Variants in GIPR observed in about 807,000 individuals in gnomAD.
GIPR encodes the protein gastric inhibitory polypeptide receptor.
A neutral mutation model predicts 62.2 loss-of-function variants in GIPR; 74 were observed. The ratio of observed to expected loss-of-function variants is 1.19; its 90% CI spans 0.99 to 1.44. The LOEUF is 1.44. GIPR is among the 40% of genes most tolerant of loss of function. GIPR has a pLI of 0.00. For synonymous variants in GIPR, 256 were observed against 262.2 expected (o/e 0.98, Z 0.23); for missense variants, 664 against 611.8 (o/e 1.09, Z -0.90).
chr19:45,676,208 A>T (rs1975848573), intron 7 of GIPR, among the ~76,000 whole-genome samples: 1 of 151,306 alleles, frequency 6.6e-6, no homozygotes, highest in Admixed American at 6.6e-5. Context: ...GTCTAAAAAA[A>T]AAAAAAAAAA....
chr19:45,677,007 A>G lies in GIPR; in HGVS notation c.692A>G (p.Tyr231Cys), dbSNP rs199584358. The G allele has an allele frequency of 1.9e-6, 3 of 1,613,972 alleles. No individual in the cohort carries two copies. The highest frequency in any genetic ancestry group is 2.7e-5 in the African/African-American group (2 of 75,020). ...IVTQYCVGAN[Y>C]TWLLVEGVYL... ...ACCCAGTACTGCGTGGGTGCCAACT[A>G]CACGTGGCTGCTGGTGGAGGGCGTC... Residue 231 changes from tyrosine to cysteine, a missense_variant, in exon 8 of 14, where the codon TAC becomes TGC. Tyr to Cys is a radical substitution (Grantham distance 194, BLOSUM62 -2). Transcript: ENST00000590918.
In GIPR at chr19:45,677,340, G is replaced by T. The variant is rs766298263; in HGVS notation, c.811G>T (p.Val271Phe). The change falls in exon 9 of 14, where the codon GTC becomes TTC. Residue 271 changes from valine to phenylalanine, a missense_variant. Physicochemically the swap from Val to Phe is conservative, Grantham distance 50. Coordinates refer to ENST00000590918, the MANE Select transcript of GIPR (RefSeq NM_000164.4). ...LLGWGAPALF[V>F]IPWVIVRYLY... ...CTGCACAGGGGCCCCCGCGCTTTTC[G>T]TCATTCCCTGGGTGATCGTCAGGTA... The T allele has an allele frequency of 1.9e-6, 3 of 1,599,574 alleles. No homozygotes were observed. Among genetic ancestry groups the T allele is most frequent in the Non-Finnish European group, 8.5e-7 (1 of 1,171,850 alleles).
chr19:45,682,145 C>T lies in GIPR; in HGVS notation c.*210C>T, dbSNP rs1967280359. ...GCTATGGAATGGTTATGAAGGGAAG[C>T]GAGAAGGGGGCCTAGGGTGGTCTGG... On this transcript the variant is annotated 3_prime_UTR_variant, in exon 14 of 14. Coordinates refer to ENST00000590918, the MANE Select transcript of GIPR (RefSeq NM_000164.4). 2 of 590,934 alleles carry T rather than the reference C, an allele frequency of 3.4e-6. No individual in the cohort carries two copies. Among genetic ancestry groups the T allele is most frequent in the South Asian group, 2.1e-5 (1 of 48,300 alleles). 36.6% of individuals were successfully genotyped at this position (590,934 alleles called of 1,614,324 possible).
chr19:45,676,892 A>G (rs4803846), intron 7 of GIPR, 57 bp from the exon 8 acceptor site: 1,142,653 of 1,529,764 alleles, frequency 0.75, 428,167 homozygotes, highest in Admixed American at 0.86. Flanking sequence ...GCTGGGGGAG[A>G]CTGGGAGACA....
intron 2 of GIPR, 121 bp downstream of exon 2, chr19:45,669,713 A>C: frequency 3.7e-6 from 5 of 1,337,456 alleles, no homozygotes; most frequent in Non-Finnish European, 5.0e-6. Flanking sequence ...TGGGAGGCCG[A>C]AGCGGGTGGA....
intron 12 of GIPR, among the ~76,000 whole-genome samples, chr19:45,679,577 A>C (rs1486891894): frequency 6.6e-6 from 1 of 151,436 alleles, no homozygotes; most frequent in African/African-American, 2.4e-5. Context: ...AGGAGTGTCC[A>C]CTGAGGGATG....
chr19:45,677,422 C>A, intron 9 of GIPR, 39 bp downstream of exon 9: 3 of 679,238 alleles, frequency 4.4e-6, no homozygotes, highest in Non-Finnish European at 7.9e-6. Context: ...GGGAGGTGGG[C>A]GGGGCTTTGA....
chr19:45,677,610 T>C, intron 9 of GIPR, 100 bp from the exon 10 acceptor site: 1 of 957,166 alleles, frequency 1.0e-6, no homozygotes, highest in South Asian at 1.3e-5. Flanking sequence ...AGAATGTGTG[T>C]GGTCTCAAGT....
At chr19:45,678,414 A>G (rs984272244) in intron 12 of GIPR, 188 bp downstream of exon 12, 3 of 718,446 alleles carry the variant, frequency 4.2e-6, no homozygotes, top group African/African-American at 1.8e-5. Context: ...CCCAGGCTGG[A>G]GTACAGTGGC....
chr19:45,677,838 G>T, intron 10 of GIPR, 59 bp downstream of exon 10: 1 of 1,597,844 alleles, frequency 6.3e-7, no homozygotes, highest in East Asian at 2.2e-5. Context: ...CTGGGAAGTG[G>T]GCTGCCACCT....
At position 45,676,848 on chromosome 19, in the gene GIPR, T is replaced by C; in HGVS notation, c.634-101T>C. On this transcript the variant is annotated intron_variant, in intron 7 of 13. Transcript: ENST00000590918. Reference sequence around the variant, plus strand: ...TGGGGACACAGAGTGGAAGAACCTTTGATGGCAAGAGACGGGGTGGAAGGG... The same window carrying C: ...TGGGGACACAGAGTGGAAGAACCTTCGATGGCAAGAGACGGGGTGGAAGGG... The C allele has an allele frequency of 2.8e-6, 3 of 1,056,192 alleles. No individual in the cohort carries two copies. The East Asian group carries it at 7.1e-5, about 25-fold the overall frequency. 65.4% of individuals were successfully genotyped at this position (1,056,192 alleles called of 1,614,324 possible). A position where few individuals can be genotyped will look rare whatever the true frequency, so the allele number is the denominator to read the frequency against.
chr19:45,671,864 C>T (rs956983656), intron 4 of GIPR, among the ~76,000 whole-genome samples: 1 of 151,820 alleles, frequency 6.6e-6, no homozygotes, highest in East Asian at 2.0e-4. Flanking sequence ...TCAAGTGATC[C>T]GCCGGCCTTG....
chr19:45,681,665 C>T lies in GIPR; in HGVS notation c.1194+20C>T, dbSNP rs778769772. On this transcript the variant is annotated intron_variant, in intron 13 of 13. Transcript: ENST00000590918. ...AAGGAGGTAGGCAGAGACCCGGCCG[C>T]CGCCCCCGCCCTCTGGCGGCAGCGC... 1.4e-5 allele frequency: 22 copies of T among 1,613,020 alleles called. No homozygotes were observed. Among genetic ancestry groups the T allele is most frequent in the Admixed American group, 1.2e-4 (7 of 60,002 alleles).
At chr19:45,681,561 C>T (rs1967224372) in intron 12 of GIPR, 43 bp from the exon 13 acceptor site, 1 of 1,584,472 alleles carries the variant, frequency 6.3e-7, no homozygotes, top group African/African-American at 1.3e-5. Flanking sequence ...GGTTACAGTC[C>T]TGCCCCCACC....
intron 4 of GIPR, among the ~76,000 whole-genome samples, chr19:45,672,415 T>C (rs1178877689): frequency 6.6e-6 from 1 of 151,888 alleles, no homozygotes; most frequent in Non-Finnish European, 1.5e-5. Context: ...CAAGCGATTC[T>C]CCTGCCTCAG....
At chr19:45,675,113 G>A (rs1399189512) in intron 7 of GIPR, 1 of 407,050 alleles carries the variant, frequency 2.5e-6, no homozygotes, top group Non-Finnish European at 4.8e-6. Flanking sequence ...TCACCAATGA[G>A]AGAATCCACC....
At position 45,677,360 on chromosome 19, in the gene GIPR, C is replaced by T. The variant is rs1342334509; in HGVS notation, c.831C>T (p.Val277=). ...TTTTCGTCATTCCCTGGGTGATCGTCAGGTACCTGTACGAGAACACGCAGT... is the reference window on the plus strand; with the variant it reads ...TTTTCGTCATTCCCTGGGTGATCGTTAGGTACCTGTACGAGAACACGCAGT... ...PALFVIPWVI[V]RYLYENTQCW... The change falls in exon 9 of 14, where the codon GTC becomes GTT. Residue 277 remains valine, a synonymous_variant. Coordinates refer to ENST00000590918, the MANE Select transcript of GIPR (RefSeq NM_000164.4). 1.9e-5 allele frequency: 30 copies of T among 1,601,650 alleles called. No homozygotes were observed. The highest frequency in any genetic ancestry group is 2.6e-5 in the Non-Finnish European group (30 of 1,171,520).
Position 45,669,338 on chromosome 19 carries a change from G to C in GIPR, c.-44-139G>C. 7 of 775,610 alleles carry C rather than the reference G, an allele frequency of 9.0e-6. No individual in the cohort carries two copies. The South Asian group carries it at 1.1e-4, about 13-fold the overall frequency. The allele number at this position is 775,610 out of a possible 1,614,324, so 48.0% of individuals were successfully genotyped here. A position where few individuals can be genotyped will look rare whatever the true frequency, so the allele number is the denominator to read the frequency against. On this transcript the variant is annotated intron_variant, in intron 1 of 13. Coordinates refer to ENST00000590918, the MANE Select transcript of GIPR (RefSeq NM_000164.4). ...AGATCATCACGCCTGGGAGTTGCGGGAGCGGGTGCGCTGCCTCGGAGTCCC... is the reference window on the plus strand; with the variant it reads ...AGATCATCACGCCTGGGAGTTGCGGCAGCGGGTGCGCTGCCTCGGAGTCCC...
At chr19:45,677,639 C>T (rs928798905) in intron 9 of GIPR, 71 bp from the exon 10 acceptor site, 2 of 1,240,432 alleles carry the variant, frequency 1.6e-6, no homozygotes, top group South Asian at 1.2e-5. Context: ...CGGGGCCTAG[C>T]GAGCAAATGA....
Sources: allele counts gnomAD v4.1 joint callset (sites outside exome capture counted in the v4.1 genomes callset), GRCh38; gene constraint gnomAD v4.1.1; transcripts MANE v1.5; gene names NCBI Gene and HGNC (gene_info 2026-07-23, HGNC 2026-07-21).